The following CRMP1 variants were observed in gnomAD, a reference collection of about 807,000 sequenced individuals.
CRMP1 encodes the protein collapsin response mediator protein 1, also known as dihydropyrimidinase-related protein 1.
CRMP1 carries 19 observed loss-of-function variants against 68.3 expected under a neutral mutation model. The observed-to-expected ratio is 0.28, with a 90% confidence interval of 0.19 to 0.41. The LOEUF (loss-of-function observed/expected upper bound fraction) is 0.41. Ranked by LOEUF, CRMP1 falls within the 10% of genes least tolerant of loss-of-function variation. The pLI is 1.00. For missense variants in CRMP1, 791 were observed against 967.4 expected, an observed-to-expected ratio of 0.82 and a Z score of 2.42; for synonymous variants, 439 against 399.6, an observed-to-expected ratio of 1.10 and a Z score of -1.18.
chr4:5,848,626 T>C (rs566809558), intron 6 of CRMP1, among the ~76,000 whole-genome samples: 14 of 152,386 alleles, frequency 9.2e-5, no homozygotes, highest in African/African-American at 3.4e-4. Context: ...ATACACGATG[T>C]CTTACTCTGT....
chr4:5,887,575 C>G, intron 1 of CRMP1: 1 of 985,492 alleles, frequency 1.0e-6, no homozygotes, highest in Non-Finnish European at 1.2e-6. Context: ...GTTCTGCCTC[C>G]ACCACCGTCC....
At chr4:5,884,723 A>C (rs1192295873) in intron 1 of CRMP1, among the ~76,000 whole-genome samples, 1 of 152,196 alleles carries the variant, frequency 6.6e-6, no homozygotes, top group East Asian at 1.9e-4. Flanking sequence ...TGCTTGGACT[A>C]GAGCAAAAAC....
intron 13 of CRMP1, among the ~76,000 whole-genome samples, chr4:5,823,284 C>T (rs1718981567): frequency 6.6e-6 from 1 of 152,182 alleles, no homozygotes; most frequent in Non-Finnish European, 1.5e-5. Flanking sequence ...ACAGTAGTGA[C>T]TTTTCTTTTC....
rs187536073 is a variant in CRMP1, at chr4:5,833,512, C to T, written c.1623+2403G>A. Among the ~76,000 whole-genome samples the T allele has an allele frequency of 3.6e-4, 54 of 151,998 alleles. No homozygotes were observed. In the East Asian group the frequency reaches 7.4e-3, roughly 21 times the overall value. On this transcript the variant is annotated intron_variant, in intron 11 of 13. Transcript: ENST00000324989. ...ATTTCTTTTGTTTAAACCACCCAAC[C>T]TGTGGCACTTTATAACAGCGTCCAG...
At chr4:5,831,581 C>T (rs535120897) in intron 11 of CRMP1, among the ~76,000 whole-genome samples, 2 of 152,204 alleles carry the variant, frequency 1.3e-5, no homozygotes, top group Admixed American at 6.5e-5. Context: ...TGCGGAGGGG[C>T]GGTGCAAGGA....
At position 5,861,271 on chromosome 4, in the gene CRMP1, C is replaced by T. The variant is rs1389547738; in HGVS notation, c.471-61G>A. 9.9e-6 allele frequency: 15 copies of T among 1,514,948 alleles called. No individual in the cohort carries two copies. Among genetic ancestry groups the T allele is most frequent in the Non-Finnish European group, 1.3e-5 (14 of 1,108,356 alleles). 93.8% of individuals were successfully genotyped at this position (1,514,948 alleles called of 1,614,324 possible). ...AAGGAAAAGTAGAATGGGCAGTCAA[C>T]CCGCAGCTTCAGTTCCATGAAATAA... On this transcript the variant is annotated intron_variant, in intron 2 of 13. Transcript: ENST00000324989. This position sits in a 1 kb window ranked among gnomAD's most constrained non-coding sequence, Gnocchi z 6.0.
intron 1 of CRMP1, among the ~76,000 whole-genome samples, chr4:5,871,483 A>AC (rs1199531137): frequency 6.6e-5 from 10 of 151,976 alleles, no homozygotes; most frequent in Non-Finnish European, 1.5e-4. Flanking sequence ...ACATGGTGAA[A>AC]CCCCGTCTGT....
intron 6 of CRMP1, among the ~76,000 whole-genome samples, chr4:5,845,611 T>G (rs1260781439): frequency 1.3e-5 from 2 of 152,250 alleles, no homozygotes. Flanking sequence ...ATAGCTGAGC[T>G]GCACCTGGAG....
At chr4:5,882,153 C>A (rs1391432284) in intron 1 of CRMP1, among the ~76,000 whole-genome samples, 1 of 152,200 alleles carries the variant, frequency 6.6e-6, no homozygotes, top group East Asian at 1.9e-4. Flanking sequence ...TGACTTTGTG[C>A]TTCTCTCCCA....
chr4:5,878,106 A>G (rs1714969488), intron 1 of CRMP1, among the ~76,000 whole-genome samples: 1 of 152,194 alleles, frequency 6.6e-6, no homozygotes, highest in African/African-American at 2.4e-5. Context: ...AATCACCTTA[A>G]AAGTGGGAAT....
chr4:5,854,481 G>C lies in CRMP1; in HGVS notation c.820+1662C>G, dbSNP rs1034631815. On this transcript the variant is annotated intron_variant, in intron 4 of 13. Coordinates refer to ENST00000324989, the MANE Select transcript of CRMP1 (RefSeq NM_001014809.3). This position sits in a 1 kb window ranked among gnomAD's most constrained non-coding sequence, Gnocchi z 4.0. Reference sequence around the variant, plus strand: ...GCTGGTCTCAAACTCCAGGCCTCAAGCAATCCTCCCTCCTCAGCCTCCCGA... The same window carrying C: ...GCTGGTCTCAAACTCCAGGCCTCAACCAATCCTCCCTCCTCAGCCTCCCGA... Among the ~76,000 whole-genome samples the C allele has an allele frequency of 7.0e-6, 1 of 143,144 alleles. No individual in the cohort carries two copies. The highest frequency in any genetic ancestry group is 2.6e-5 in the African/African-American group (1 of 38,288). The allele number at this position is 143,144 out of a possible 152,430, so 93.9% of individuals were successfully genotyped here. A position where few individuals can be genotyped will look rare whatever the true frequency, so the allele number is the denominator to read the frequency against.
chr4:5,836,148 G>A, intron 10 of CRMP1, 63 bp from the exon 11 acceptor site: 1 of 1,332,114 alleles, frequency 7.5e-7, no homozygotes, highest in Non-Finnish European at 9.8e-7. Flanking sequence ...AGGGGCAGCT[G>A]GGCACAAATG....
chr4:5,856,942 TCACCATCAC>T (rs1713133262), intron 3 of CRMP1, among the ~76,000 whole-genome samples: 1 of 145,260 alleles, frequency 6.9e-6, no homozygotes, highest in African/African-American at 2.6e-5. Context: ...ACCACCATCA[TCACCATCAC>T]CACCACCATC....
In CRMP1 at chr4:5,825,376, C is replaced by T; in HGVS notation, c.1969+118G>A. The T allele has an allele frequency of 6.9e-7, 1 of 1,459,840 alleles. No individual in the cohort carries two copies. The highest frequency in any genetic ancestry group is 1.6e-5 in the South Asian group (1 of 63,554). The allele number at this position is 1,459,840 out of a possible 1,614,324, so 90.4% of individuals were successfully genotyped here. The stretch of plus-strand genomic sequence containing the variant: ...AGCAGGCTCGGGTGGGGCACACTCC[C>T]TTCCCTGCTTCTTCATCTAGTGTCC... On this transcript the variant is annotated intron_variant, in intron 13 of 13. Transcript: ENST00000324989. The surrounding 1 kb of genome is among the most constrained non-coding windows in gnomAD (Gnocchi z 4.4).
rs571660375 is a variant in CRMP1, at chr4:5,837,024, T to C, written c.1311-118A>G. Reference sequence around the variant, plus strand: ...ATGAATGAATAGATAAGGAAGCCAGTGGGTAAGAGAGACTCTCTAGCGTGT... The same window carrying C: ...ATGAATGAATAGATAAGGAAGCCAGCGGGTAAGAGAGACTCTCTAGCGTGT... On this transcript the variant is annotated intron_variant, in intron 9 of 13. Coordinates refer to ENST00000324989, the MANE Select transcript of CRMP1 (RefSeq NM_001014809.3). The C allele has an allele frequency of 3.1e-5, 37 of 1,193,894 alleles. No individual in the cohort carries two copies. In the African/African-American group the frequency reaches 4.9e-4, roughly 16 times the overall value. The allele number at this position is 1,193,894 out of a possible 1,614,324, so 74.0% of individuals were successfully genotyped here.
intron 1 of CRMP1, among the ~76,000 whole-genome samples, chr4:5,885,998 C>T (rs573967892): frequency 4.1e-4 from 62 of 152,292 alleles, no homozygotes; most frequent in African/African-American, 1.4e-3. Context: ...TGTCACAACA[C>T]GTGTATGTGT....
chr4:5,851,796 G>C (rs898971757), intron 4 of CRMP1, among the ~76,000 whole-genome samples: 5 of 150,968 alleles, frequency 3.3e-5, no homozygotes, highest in South Asian at 4.2e-4. Context: ...CAAGGAGGAA[G>C]AGGAAGAGGA....
In CRMP1 at chr4:5,883,765, T is replaced by A. The variant is rs765677728; in HGVS notation, c.381+8824A>T. On this transcript the variant is annotated intron_variant, in intron 1 of 13. Transcript: ENST00000324989. This position sits in a 1 kb window ranked among gnomAD's most constrained non-coding sequence, Gnocchi z 4.5. ...ACAGCCTGAGTTTTCAGAACAGAGC[T>A]ATGACCTGTTAGATATTTACTATGT... 6.6e-6 allele frequency among the ~76,000 whole-genome samples: 1 copy of A among 152,196 alleles called. No individual in the cohort carries two copies. The highest frequency in any genetic ancestry group is 1.5e-5 in the Non-Finnish European group (1 of 68,038).
intron 1 of CRMP1, among the ~76,000 whole-genome samples, chr4:5,876,201 G>T (rs114312907): frequency 1.3e-5 from 2 of 151,944 alleles, no homozygotes; most frequent in Non-Finnish European, 2.9e-5. Context: ...TGGCCTTGCA[G>T]AGTCAAAATA....
Sources: allele counts gnomAD v4.1 joint callset (sites outside exome capture counted in the v4.1 genomes callset), GRCh38; gene constraint gnomAD v4.1.1; non-coding constraint Gnocchi (gnomAD v3.1); transcripts MANE v1.5; gene names NCBI Gene and HGNC (gene_info 2026-07-23, HGNC 2026-07-21).